The following LRP1B variants were observed in gnomAD, a reference collection of about 807,000 sequenced individuals.
LRP1B encodes low-density lipoprotein receptor-related protein 1B.
A neutral mutation model predicts 556.6 loss-of-function variants in LRP1B; 217 were observed. The observed-to-expected ratio is 0.39, with a 90% CI of 0.35 to 0.44. The LOEUF (loss-of-function observed/expected upper bound fraction) is 0.44. Ranked by LOEUF, LRP1B falls within the 20% of genes least tolerant of loss-of-function variation. LRP1B has a pLI of 1.00. For missense variants in LRP1B, 5,053 were observed against 5,620.8 expected (o/e 0.90, Z 3.23); for synonymous variants, 2,047 against 1,865.8 (o/e 1.10, Z -2.50).
At chr2:141,076,374 C>T (rs1917702) in intron 7 of LRP1B, among the ~76,000 whole-genome samples, 1 of 152,062 alleles carries the variant, frequency 6.6e-6, no homozygotes, top group African/African-American at 2.4e-5. Context: ...TATTCCTACA[C>T]GGGCATTTTT....
In LRP1B at chr2:142,034,165, G is replaced by T. The variant is rs184900378; in HGVS notation, c.82+96483C>A. 2.6e-5 allele frequency among the ~76,000 whole-genome samples: 4 copies of T among 151,712 alleles called. No homozygotes were observed. In the East Asian group the frequency reaches 7.8e-4, roughly 30 times the overall value. The stretch of plus-strand genomic sequence containing the variant: ...ATTTTTGTTCCCTTGCCACCTAATT[G>T]TTGCTTATCTAATCAGTTCTATGTA... On this transcript the variant is annotated intron_variant, in intron 1 of 90. Coordinates refer to ENST00000389484, the MANE Select transcript of LRP1B (RefSeq NM_018557.3).
intron 20 of LRP1B, among the ~76,000 whole-genome samples, chr2:140,949,896 G>GCCACTGCA (rs1695658967): frequency 1.3e-5 from 1 of 75,136 alleles, no homozygotes; most frequent in Non-Finnish European, 2.2e-5. Flanking sequence ...CCGAGATGGC[G>GCCACTGCA]CCACTGCACT....
At chr2:141,378,869 G>A (rs951065405) in intron 3 of LRP1B, among the ~76,000 whole-genome samples, 6 of 152,080 alleles carry the variant, frequency 3.9e-5, no homozygotes, top group Non-Finnish European at 8.8e-5. Flanking sequence ...CAGACACTAA[G>A]AAACCTGTGA....
Position 141,462,852 on chromosome 2 carries a change from A to C in LRP1B, c.343+17544T>G, listed in dbSNP as rs148545527. 7.9e-5 allele frequency among the ~76,000 whole-genome samples: 12 copies of C among 152,302 alleles called. No homozygotes were observed. In the East Asian group the frequency reaches 2.3e-3, roughly 29 times the overall value. On this transcript the variant is annotated intron_variant, in intron 3 of 90. Coordinates refer to ENST00000389484, the MANE Select transcript of LRP1B (RefSeq NM_018557.3). ...TTGAAAAATAAGTAAATAAGTAATA[A>C]AATTTAAAATTTTAAGTATGAATGG...
At chr2:140,887,776 C>G (rs368805987) in intron 23 of LRP1B, among the ~76,000 whole-genome samples, 2 of 151,898 alleles carry the variant, frequency 1.3e-5, no homozygotes, top group African/African-American at 2.4e-5. Flanking sequence ...AACATTACAC[C>G]AAGTGAAAGA....
intron 2 of LRP1B, among the ~76,000 whole-genome samples, chr2:141,582,324 G>A (rs1196172045): frequency 6.6e-6 from 1 of 152,164 alleles, no homozygotes. Context: ...AGAAAACAAG[G>A]AATTCATGAG....
intron 35 of LRP1B, among the ~76,000 whole-genome samples, chr2:140,749,441 ATTTT>A (rs1213227449): frequency 2.6e-5 from 4 of 151,960 alleles, no homozygotes; most frequent in African/African-American, 9.6e-5. Flanking sequence ...GCTGTAAAAA[ATTTT>A]TTTTCTTGCT....
At chr2:140,780,916 G>A (rs1174754216) in intron 32 of LRP1B, among the ~76,000 whole-genome samples, 3 of 152,134 alleles carry the variant, frequency 2.0e-5, no homozygotes, top group Non-Finnish European at 4.4e-5. Flanking sequence ...TTTGGCCCTG[G>A]AGAAAACTAA....
At chr2:141,120,781 T>C (rs1166334343) in intron 7 of LRP1B, among the ~76,000 whole-genome samples, 1 of 152,010 alleles carries the variant, frequency 6.6e-6, no homozygotes, top group Non-Finnish European at 1.5e-5. Context: ...ACTTTACTCA[T>C]TTAGCTATAT....
intron 1 of LRP1B, among the ~76,000 whole-genome samples, chr2:142,016,986 A>G (rs1182902674): frequency 6.6e-6 from 1 of 150,720 alleles, no homozygotes; most frequent in Non-Finnish European, 1.5e-5. Context: ...ACATATATGT[A>G]TGTGTGTGTG....
chr2:141,590,667 TC>T (rs1459882530), intron 2 of LRP1B, among the ~76,000 whole-genome samples: 4 of 152,142 alleles, frequency 2.6e-5, no homozygotes, highest in Non-Finnish European at 5.9e-5. Flanking sequence ...CAATTGACAA[TC>T]CCTGTCTCCT....
rs566434385 is a variant in LRP1B, at chr2:141,998,206, T to C, written c.82+132442A>G. Among the ~76,000 whole-genome samples, 8 of 152,266 alleles carry C rather than the reference T, an allele frequency of 5.3e-5. No homozygotes were observed. The East Asian group carries it at 9.7e-4, about 18-fold the overall frequency. On this transcript the variant is annotated intron_variant, in intron 1 of 90. Transcript: ENST00000389484. ...ACTAAATTTAAAACTATCTGAATTATAAAATCTTAGTAGATTTCTATAATT... is the reference window on the plus strand; with the variant it reads ...ACTAAATTTAAAACTATCTGAATTACAAAATCTTAGTAGATTTCTATAATT...
At chr2:141,119,006 GC>G (rs1475752208) in intron 7 of LRP1B, among the ~76,000 whole-genome samples, 1 of 151,844 alleles carries the variant, frequency 6.6e-6, no homozygotes, top group Non-Finnish European at 1.5e-5. Flanking sequence ...TTTCCATATT[GC>G]AGGCTAACTG....
At chr2:140,508,251 T>C (rs1689504203) in intron 52 of LRP1B, among the ~76,000 whole-genome samples, 1 of 152,154 alleles carries the variant, frequency 6.6e-6, no homozygotes, top group East Asian at 1.9e-4. Context: ...TATTATCACT[T>C]TTTCTTGAAA....
chr2:140,469,622 T>C (rs192910813), intron 60 of LRP1B, among the ~76,000 whole-genome samples: 28 of 152,340 alleles, frequency 1.8e-4, no homozygotes, highest in African/African-American at 6.7e-4. Context: ...CCTCATATAT[T>C]ATGCAATTTA....
intron 6 of LRP1B, among the ~76,000 whole-genome samples, chr2:141,192,379 C>G (rs1681553412): frequency 6.6e-6 from 1 of 151,758 alleles, no homozygotes; most frequent in Admixed American, 6.6e-5. Context: ...ATGATTTGAA[C>G]ATTTTTAGGA....
intron 6 of LRP1B, among the ~76,000 whole-genome samples, chr2:141,209,902 G>A (rs573946337): frequency 2.3e-4 from 35 of 152,074 alleles, no homozygotes; most frequent in Non-Finnish European, 4.6e-4. Context: ...TGAGATTCTA[G>A]CAATTATGCA....
chr2:140,945,066 A>C (rs1192067547), intron 20 of LRP1B, among the ~76,000 whole-genome samples: 1 of 152,190 alleles, frequency 6.6e-6, no homozygotes, highest in East Asian at 1.9e-4. Context: ...CAGGATACAA[A>C]GGCAACATAC....
intron 2 of LRP1B, among the ~76,000 whole-genome samples, chr2:141,658,980 T>C (rs1243482290): frequency 6.6e-6 from 1 of 152,192 alleles, no homozygotes; most frequent in African/African-American, 2.4e-5. Context: ...CATGGCTCAC[T>C]GCATCCTTGA....
Sources: allele counts gnomAD v4.1 joint callset (sites outside exome capture counted in the v4.1 genomes callset), GRCh38; gene constraint gnomAD v4.1.1; transcripts MANE v1.5; gene names NCBI Gene and HGNC (gene_info 2026-07-23, HGNC 2026-07-21).